The following SLC12A1 variants were observed in gnomAD, a reference collection of about 807,000 sequenced individuals.
The protein encoded by SLC12A1 is solute carrier family 12 member 1.
In SLC12A1, 89 loss-of-function variants were observed where a neutral mutation model predicts 130.4. That is an observed-to-expected ratio of 0.68 (90% CI 0.58 to 0.81). SLC12A1 has a LOEUF of 0.81. Ranked by LOEUF, SLC12A1 falls within the 40% of genes least tolerant of loss-of-function variation. SLC12A1 has a pLI of 0.00. For synonymous variants in SLC12A1, 499 were observed against 460.0 expected, an observed-to-expected ratio of 1.08 and a Z score of -1.09; for missense variants, 1,310 against 1,336.4, an observed-to-expected ratio of 0.98 and a Z score of 0.31.
intron 20 of SLC12A1, among the ~76,000 whole-genome samples, chr15:48,283,246 G>T (rs181069216): frequency 1.1e-3 from 173 of 152,262 alleles, no homozygotes; most frequent in Non-Finnish European, 2.0e-3. Flanking sequence ...GCAAAGCTTG[G>T]GGGGTGGGAA....
In SLC12A1 at chr15:48,234,918, G is replaced by C. The variant is rs779680104; in HGVS notation, c.1129G>C (p.Gly377Arg). The C allele has an allele frequency of 1.9e-6, 3 of 1,613,616 alleles. No homozygotes were observed. The highest frequency in any genetic ancestry group is 1.7e-6 in the Non-Finnish European group (2 of 1,179,602). The change falls in exon 9 of 27, where the codon GGT (glycine) becomes CGT (arginine). Residue 377 changes from glycine (G) to arginine (R), a missense_variant. Gly to Arg is a moderately radical substitution (Grantham distance 125, BLOSUM62 -2). Coordinates refer to ENST00000380993, the MANE Select transcript of SLC12A1 (RefSeq NM_000338.3). ...AENFGPRFTK[G>R]EGFFSVFAIF... ...AAACTTTGGGCCACGCTTCACAAAG[G>C]GTGAAGGCTTCTTCTCTGTCTTTGC... is the stretch of plus-strand genomic sequence containing the variant.
At chr15:48,232,916 C>A in intron 8 of SLC12A1, 78 bp downstream of exon 8, 2 of 850,144 alleles carry the variant, frequency 2.4e-6, no homozygotes, top group South Asian at 1.6e-5. Context: ...TCAACCCAAC[C>A]CCAGCCTTCG....
At chr15:48,235,319 T>TGAATAG in intron 9 of SLC12A1, 1 of 322,456 alleles carries the variant, frequency 3.1e-6, no homozygotes, top group Non-Finnish European at 5.8e-6. Flanking sequence ...TAAACCCAAA[T>TGAATAG]GAATAGGAAT....
chr15:48,292,042 A>G (rs1255610004), intron 24 of SLC12A1, among the ~76,000 whole-genome samples, 178 bp downstream of exon 24: 1 of 152,240 alleles, frequency 6.6e-6, no homozygotes, highest in East Asian at 1.9e-4. Flanking sequence ...TCTAAAGGGA[A>G]GGAAAGCTTT....
chr15:48,290,732 A>G (rs2042110046), intron 23 of SLC12A1, among the ~76,000 whole-genome samples: 1 of 151,596 alleles, frequency 6.6e-6, no homozygotes, highest in Non-Finnish European at 1.5e-5. Flanking sequence ...ATATGCATAT[A>G]TGTCTTTTCA....
intron 9 of SLC12A1, among the ~76,000 whole-genome samples, chr15:48,236,079 A>G (rs2041436226): frequency 7.3e-6 from 1 of 136,992 alleles, no homozygotes; most frequent in South Asian, 2.5e-4. Flanking sequence ...ATCGGGGACA[A>G]TAAGCCATTT....
intron 4 of SLC12A1, chr15:48,221,336 C>G: frequency 1.4e-6 from 1 of 701,826 alleles, no homozygotes; most frequent in Non-Finnish European, 2.6e-6. Flanking sequence ...TCATTTGTTA[C>G]AGAGTATCCT....
intron 15 of SLC12A1, among the ~76,000 whole-genome samples, chr15:48,254,106 G>T (rs2141067968): frequency 6.6e-6 from 1 of 151,546 alleles, no homozygotes; most frequent in African/African-American, 2.4e-5. Context: ...TTTCCTTACA[G>T]TTTGTTTTGA....
chr15:48,223,986 C>T lies in SLC12A1; in HGVS notation c.629-2490C>T, dbSNP rs377676645. The T allele has an allele frequency of 2.6e-5, 4 of 152,478 alleles. No homozygotes were observed. The East Asian group carries it at 7.7e-4, about 29-fold the overall frequency. The allele number at this position is 152,478 out of a possible 1,614,324, so 9.4% of individuals were successfully genotyped here. A position where few individuals can be genotyped will look rare whatever the true frequency, so the allele number is the denominator to read the frequency against. On this transcript the variant is annotated intron_variant, in intron 4 of 26. Coordinates refer to ENST00000380993, the MANE Select transcript of SLC12A1 (RefSeq NM_000338.3). ...TGGCCAAGAGCTTCAAAAGAACCAGCCTTTAATACCTTGACTCATTCCCAC... is the reference window on the plus strand; with the variant it reads ...TGGCCAAGAGCTTCAAAAGAACCAGTCTTTAATACCTTGACTCATTCCCAC...
intron 20 of SLC12A1, among the ~76,000 whole-genome samples, chr15:48,284,819 T>C (rs1477829771): frequency 1.3e-5 from 2 of 152,096 alleles, no homozygotes; most frequent in Non-Finnish European, 2.9e-5. Flanking sequence ...TTCATAGAGA[T>C]GGAGTTTCAC....
chr15:48,237,264 A>G (rs1945797504), intron 9 of SLC12A1: 1 of 494,792 alleles, frequency 2.0e-6, no homozygotes, highest in Non-Finnish European at 3.6e-6. Context: ...GGCACCAAGA[A>G]AGATGCTGCT....
chr15:48,234,189 TTGTG>T (rs368705642), intron 8 of SLC12A1, among the ~76,000 whole-genome samples: 1 of 151,344 alleles, frequency 6.6e-6, no homozygotes, highest in Non-Finnish European at 1.5e-5. Flanking sequence ...GAGAATGTAG[TTGTG>T]TGTGTGTGTG....
chr15:48,297,374 T>G (rs1471301509), intron 24 of SLC12A1, among the ~76,000 whole-genome samples: 3 of 152,220 alleles, frequency 2.0e-5, no homozygotes, highest in Non-Finnish European at 2.9e-5. Context: ...CTGTGTTATG[T>G]GCCCACCTGG....
At chr15:48,249,844 T>C (rs900261858) in intron 14 of SLC12A1, among the ~76,000 whole-genome samples, 168 bp downstream of exon 14, 3 of 152,176 alleles carry the variant, frequency 2.0e-5, no homozygotes, top group Admixed American at 6.5e-5. Flanking sequence ...AGTTTTGAAA[T>C]AGAAAAAGAA....
intron 17 of SLC12A1, 79 bp downstream of exon 17, chr15:48,259,390 C>T (rs1597435695): frequency 1.0e-6 from 1 of 952,622 alleles, no homozygotes; most frequent in Non-Finnish European, 1.7e-6. Flanking sequence ...AGAAAAGGTA[C>T]ATGCAGTGAC....
chr15:48,225,880 C>T (rs1398649981), intron 4 of SLC12A1: 97 of 984,674 alleles, frequency 9.9e-5, no homozygotes, highest in Non-Finnish European at 1.1e-4. Context: ...TCGGCTTAGC[C>T]GTGACAGTGA....
chr15:48,241,532 C>T lies in SLC12A1; in HGVS notation c.1233C>T (p.Ile411=). Residue 411 remains isoleucine, a synonymous_variant, in exon 10 of 27, where the codon ATC becomes ATT. Coordinates refer to ENST00000380993, the MANE Select transcript of SLC12A1 (RefSeq NM_000338.3). ...TTTTAAAGGATCCCCAAGATGCCAT[C>T]CCCAGAGGAACCATGCTGGCCATTT... The part of the protein sequence containing the change: ...SGDLEDPQDA[I]PRGTMLAIFI... 1 of 1,613,470 alleles carries T rather than the reference C, an allele frequency of 6.2e-7. No homozygotes were observed. Among genetic ancestry groups the T allele is most frequent in the Non-Finnish European group, 8.5e-7 (1 of 1,179,482 alleles).
At chr15:48,239,338 G>T (rs996541988) in intron 9 of SLC12A1, among the ~76,000 whole-genome samples, 1 of 151,742 alleles carries the variant, frequency 6.6e-6, no homozygotes, top group African/African-American at 2.4e-5. Context: ...TGGCAAAACC[G>T]TGTCTCTACA....
intron 19 of SLC12A1, among the ~76,000 whole-genome samples, chr15:48,272,585 C>T (rs916659393): frequency 6.6e-6 from 1 of 152,042 alleles, no homozygotes; most frequent in African/African-American, 2.4e-5. Context: ...CACCACCATG[C>T]CCAGCTAATT....
Sources: gnomAD v4.1 joint callset for allele counts (sites outside exome capture counted in the v4.1 genomes callset) on GRCh38, gnomAD v4.1.1 for gene constraint, MANE v1.5 for transcripts, NCBI Gene and HGNC (gene_info 2026-07-23, HGNC 2026-07-21) for gene names.